TENM3: variants seen among roughly 807,000 people sequenced by gnomAD.
TENM3 encodes teneurin transmembrane protein 3.
Under a neutral mutation model 255.1 loss-of-function variants are expected in TENM3, and 63 were observed. That is an observed-to-expected ratio of 0.25 (90% confidence interval 0.20 to 0.30). The LOEUF (loss-of-function observed/expected upper bound fraction) is 0.30. TENM3 is among the 10% of genes least tolerant of loss of function. TENM3 has a pLI of 1.00. For missense variants in TENM3, 2,929 were observed against 3,461.1 expected (o/e 0.85, Z 3.86); for synonymous variants, 1,306 against 1,322.3 (o/e 0.99, Z 0.27).
the TENM3 span, among the ~76,000 whole-genome samples, chr4:181,837,388 G>A: frequency 6.6e-6 from 1 of 151,948 alleles, no homozygotes; most frequent in African/African-American, 2.4e-5. Flanking sequence ...TTTTCATTAT[G>A]AATGAATATT....
chr4:182,418,650 T>G (rs1770561443), intron 3 of TENM3, among the ~76,000 whole-genome samples: 2 of 152,254 alleles, frequency 1.3e-5, no homozygotes, highest in Non-Finnish European at 1.5e-5. Context: ...AGCCTCGACC[T>G]CCCCGTGCTC....
chr4:182,307,012 C>T (rs750021316), intron 1 of TENM3, among the ~76,000 whole-genome samples: 3 of 152,184 alleles, frequency 2.0e-5, no homozygotes, highest in Non-Finnish European at 2.9e-5. Context: ...CCACATTACA[C>T]GTTTACTACC....
chr4:182,025,036 T>A, the TENM3 span, among the ~76,000 whole-genome samples: 1 of 147,850 alleles, frequency 6.8e-6, no homozygotes, highest in African/African-American at 2.5e-5. Context: ...TTTTTTTTTT[T>A]TTTTTTTTTT....
chr4:182,588,315 T>A (rs752062082), intron 3 of TENM3, among the ~76,000 whole-genome samples: 17 of 152,220 alleles, frequency 1.1e-4, no homozygotes, highest in Non-Finnish European at 2.4e-4. Context: ...TGTGATATGT[T>A]ATCTGAAAAG....
In TENM3 at chr4:182,800,204, G is replaced by A. The variant is rs767130832; in HGVS notation, c.7953G>A (p.Thr2651=). The stretch of plus-strand genomic sequence containing the variant: ...GCGAGGAGGGCGCGCGCCTCTGGAC[G>A]GAGGGCGAGAAGCGGCAGCTGCTGA... The part of the protein sequence containing the change: ...RDGEEGARLW[T]EGEKRQLLSA... Residue 2651 remains threonine, a synonymous_variant, in exon 28 of 28, where the codon ACG becomes ACA. Transcript: ENST00000511685. The A allele has an allele frequency of 5.7e-5, 91 of 1,589,288 alleles. No homozygotes were observed. Among genetic ancestry groups the A allele is most frequent in the Non-Finnish European group, 6.7e-5 (79 of 1,175,742 alleles).
chr4:182,709,423 G>A (rs184884380), intron 12 of TENM3, among the ~76,000 whole-genome samples: 1 of 152,098 alleles, frequency 6.6e-6, no homozygotes, highest in Non-Finnish European at 1.5e-5. Flanking sequence ...ATACTCGTTA[G>A]TTTTCAAAGT....
chr4:182,522,051 A>AT (rs1560867541), intron 3 of TENM3, among the ~76,000 whole-genome samples: 2 of 152,164 alleles, frequency 1.3e-5, no homozygotes, highest in Non-Finnish European at 2.9e-5. Context: ...AAATTTAAAC[A>AT]TTTTTTATTG....
chr4:181,900,254 A>G, the TENM3 span, among the ~76,000 whole-genome samples: 1 of 152,180 alleles, frequency 6.6e-6, no homozygotes, highest in African/African-American at 2.4e-5. Context: ...TTACTCTTCA[A>G]ATTTAGTGGA....
chr4:181,799,420 T>C, the TENM3 span, among the ~76,000 whole-genome samples: 1 of 152,228 alleles, frequency 6.6e-6, no homozygotes, highest in Non-Finnish European at 1.5e-5. Flanking sequence ...CACAAACGTA[T>C]CTATAATTTA....
intron 1 of TENM3, among the ~76,000 whole-genome samples, chr4:182,183,281 A>G (rs1868640): frequency 0.75 from 113,276 of 152,034 alleles, 42,589 homozygotes; most frequent in African/African-American, 0.81. Context: ...AGAAGAAACC[A>G]GAATTTTTTG....
intron 1 of TENM3, among the ~76,000 whole-genome samples, chr4:182,166,458 T>G (rs1157048816): frequency 6.6e-6 from 1 of 152,140 alleles, no homozygotes; most frequent in African/African-American, 2.4e-5. Context: ...ATCTTGAATT[T>G]TTCATGGCAT....
intron 11 of TENM3, 75 bp from the exon 12 acceptor site, chr4:182,688,091 A>G: frequency 7.4e-7 from 1 of 1,346,420 alleles, no homozygotes. Flanking sequence ...GTGGAAGATA[A>G]AAGCTGCTTA....
intron 3 of TENM3, among the ~76,000 whole-genome samples, chr4:182,573,417 A>G (rs1297983873): frequency 6.6e-6 from 1 of 152,198 alleles, no homozygotes; most frequent in Non-Finnish European, 1.5e-5. Context: ...ACATTAAAGT[A>G]AGCTTTTTGA....
intron 19 of TENM3, among the ~76,000 whole-genome samples, chr4:182,751,012 T>G (rs1762331437): frequency 6.6e-6 from 1 of 152,236 alleles, no homozygotes; most frequent in Admixed American, 6.5e-5. Context: ...CTTACCATTT[T>G]TTACAAGTAA....
intron 16 of TENM3, among the ~76,000 whole-genome samples, chr4:182,733,314 C>A (rs1211444970): frequency 6.6e-6 from 1 of 152,160 alleles, no homozygotes; most frequent in African/African-American, 2.4e-5. Context: ...CCATTGGAGA[C>A]CATGGCAAAG....
At chr4:181,824,816 G>T in the TENM3 span, among the ~76,000 whole-genome samples, 19 of 152,202 alleles carry the variant, frequency 1.2e-4, no homozygotes, top group South Asian at 4.1e-4. Context: ...ATTCTACTCG[G>T]TGTCCTAGCC....
the TENM3 span, among the ~76,000 whole-genome samples, chr4:181,773,196 G>A: frequency 4.3e-4 from 66 of 152,090 alleles, no homozygotes; most frequent in Middle Eastern, 3.4e-3. Flanking sequence ...CAAAAACTCC[G>A]TCACCCAGGG....
At chr4:182,564,182 G>A (rs1743516495) in intron 3 of TENM3, among the ~76,000 whole-genome samples, 1 of 151,996 alleles carries the variant, frequency 6.6e-6, no homozygotes, top group Admixed American at 6.6e-5. Flanking sequence ...TGCTTTCTGA[G>A]GCAGCTTGTT....
At chr4:182,534,257 G>T (rs1053904067) in intron 3 of TENM3, among the ~76,000 whole-genome samples, 4 of 152,150 alleles carry the variant, frequency 2.6e-5, no homozygotes, top group African/African-American at 9.7e-5. Flanking sequence ...AGGAGTCAGG[G>T]TTATTTACCT....
Sources: allele counts gnomAD v4.1 joint callset (sites outside exome capture counted in the v4.1 genomes callset), GRCh38; gene constraint gnomAD v4.1.1; transcripts MANE v1.5; gene names NCBI Gene and HGNC (gene_info 2026-07-23, HGNC 2026-07-21).